TLN2: variants seen among roughly 807,000 people sequenced by gnomAD.
TLN2 encodes the protein talin 2, also known as talin-2.
A neutral mutation model predicts 294.7 loss-of-function variants in TLN2; 118 were observed. That is an observed-to-expected ratio of 0.40 (90% confidence interval 0.34 to 0.47). The LOEUF (loss-of-function observed/expected upper bound fraction) is 0.47, where lower values mean the gene tolerates loss of function less well. Ranked by LOEUF, TLN2 falls within the 20% of genes least tolerant of loss-of-function variation. The pLI, the probability that TLN2 is intolerant of heterozygous loss-of-function variation, is 0.84. For synonymous variants in TLN2, 1,431 were observed against 1,304.5 expected, an observed-to-expected ratio of 1.10 and a Z score of -2.09; for missense variants, 3,083 against 3,282.2, an observed-to-expected ratio of 0.94 and a Z score of 1.48.
chr15:62,557,426 G>GA (rs1367406358), intron 1 of TLN2, among the ~76,000 whole-genome samples: 1 of 152,246 alleles, frequency 6.6e-6, no homozygotes, highest in Non-Finnish European at 1.5e-5. Context: ...TGTGTGATGT[G>GA]ATAGTGCAGG....
chr15:62,635,417 T>A (rs1393471630), intron 3 of TLN2, among the ~76,000 whole-genome samples: 1 of 152,214 alleles, frequency 6.6e-6, no homozygotes, highest in Non-Finnish European at 1.5e-5. Flanking sequence ...ATTATGTATT[T>A]ATTAAAAACA....
intron 1 of TLN2, among the ~76,000 whole-genome samples, chr15:62,540,008 C>T (rs995344999): frequency 2.0e-5 from 3 of 151,760 alleles, no homozygotes; most frequent in East Asian, 1.9e-4. Flanking sequence ...TAAATTCAAA[C>T]GAACTCATCA....
chr15:62,721,528 A>G (rs1241729365), intron 25 of TLN2, among the ~76,000 whole-genome samples: 2 of 152,048 alleles, frequency 1.3e-5, no homozygotes, highest in Non-Finnish European at 2.9e-5. Context: ...AATATTAAAA[A>G]TATTAACTTT....
chr15:62,435,872 C>A (rs1252731876), intron 1 of TLN2, among the ~76,000 whole-genome samples: 1 of 152,204 alleles, frequency 6.6e-6, no homozygotes, highest in Non-Finnish European at 1.5e-5. Context: ...AAATTAGCAT[C>A]TGTCACATGC....
chr15:62,651,364 A>G (rs980495026), intron 5 of TLN2, among the ~76,000 whole-genome samples: 3 of 152,186 alleles, frequency 2.0e-5, no homozygotes, highest in African/African-American at 7.2e-5. Context: ...TGGAGAAAAA[A>G]TTGAAGGTGA....
At chr15:62,392,766 G>A (rs1217276885) in intron 1 of TLN2, among the ~76,000 whole-genome samples, 2 of 152,194 alleles carry the variant, frequency 1.3e-5, no homozygotes, top group Non-Finnish European at 2.9e-5. Flanking sequence ...GGTTAGGTGT[G>A]CAGAGGGAGG....
At chr15:62,456,862 G>T (rs2036512132) in intron 1 of TLN2, among the ~76,000 whole-genome samples, 1 of 152,132 alleles carries the variant, frequency 6.6e-6, no homozygotes, top group South Asian at 2.1e-4. Context: ...CTTGCCCCAT[G>T]GCAGAAAAGG....
At chr15:62,705,804 A>G (rs959786549) in intron 19 of TLN2, among the ~76,000 whole-genome samples, 12 of 152,238 alleles carry the variant, frequency 7.9e-5, no homozygotes, top group African/African-American at 2.9e-4. Flanking sequence ...CAGATCCCAA[A>G]GGGATCTTCT....
At position 62,486,480 on chromosome 15, in the gene TLN2, T is replaced by C. The variant is rs570695041; in HGVS notation, c.-238+95795T>C. Among the ~76,000 whole-genome samples, 127 of 145,546 alleles carry C rather than the reference T, an allele frequency of 8.7e-4. 1 individual carries two copies. The highest frequency in any genetic ancestry group is 3.2e-3 in the African/African-American group (124 of 39,360). ...TTTTTTTTTTTTTTTTTTTTTGCCA[T>C]TCACAACATTGACATTTTAAAAAAA... On this transcript the variant is annotated intron_variant, in intron 1 of 58. Transcript: ENST00000636159.
intron 7 of TLN2, among the ~76,000 whole-genome samples, chr15:62,654,754 CAAAAAAAA>C (rs59006343): frequency 4.4e-4 from 15 of 33,852 alleles, no homozygotes; most frequent in Admixed American, 1.0e-3. Flanking sequence ...GACTCTGCCT[CAAAAAAAA>C]AAAAAAAAAA....
chr15:62,761,870 G>A lies in TLN2; in HGVS notation c.4779+49G>A, dbSNP rs3825972. On this transcript the variant is annotated intron_variant, in intron 38 of 58. Transcript: ENST00000636159. The stretch of plus-strand genomic sequence containing the variant: ...CATACTAAGGTCTTTGGCTAACTTT[G>A]TGTGGCACCAAATGAGTTACTAGTT... 2.1e-4 allele frequency: 342 copies of A among 1,607,080 alleles called. 8 individuals are homozygous for A. In the East Asian group the frequency reaches 7.6e-3, roughly 36 times the overall value.
chr15:62,620,579 A>G (rs903371257), intron 3 of TLN2, among the ~76,000 whole-genome samples: 2 of 151,760 alleles, frequency 1.3e-5, no homozygotes, highest in African/African-American at 4.8e-5. Flanking sequence ...CCTGGGCTCA[A>G]GCAATCCTCC....
At chr15:62,763,525 C>G in intron 39 of TLN2, 38 bp from the exon 40 acceptor site, 1 of 1,574,036 alleles carries the variant, frequency 6.4e-7, no homozygotes, top group Non-Finnish European at 8.7e-7. Context: ...GACTTGAGCC[C>G]CATGGAGCCT....
intron 32 of TLN2, 56 bp from the exon 33 acceptor site, chr15:62,748,295 A>T: frequency 7.7e-7 from 1 of 1,297,958 alleles, no homozygotes; most frequent in Non-Finnish European, 1.1e-6. Context: ...AAAGCATTGT[A>T]GGGGAAATTA....
At chr15:62,469,794 A>C (rs2037362775) in intron 1 of TLN2, among the ~76,000 whole-genome samples, 1 of 152,194 alleles carries the variant, frequency 6.6e-6, no homozygotes, top group South Asian at 2.1e-4. Flanking sequence ...AAAGTCTGGT[A>C]GTTTAAAAAA....
chr15:62,489,338 A>G (rs1265394775), intron 1 of TLN2, among the ~76,000 whole-genome samples: 1 of 152,206 alleles, frequency 6.6e-6, no homozygotes, highest in African/African-American at 2.4e-5. Context: ...CTCAGGTGCA[A>G]CTTCTCAAAC....
At chr15:62,679,560 G>A (rs2056604697) in intron 11 of TLN2, among the ~76,000 whole-genome samples, 1 of 152,224 alleles carries the variant, frequency 6.6e-6, no homozygotes, top group Non-Finnish European at 1.5e-5. Context: ...GTGCCCAGAA[G>A]AGGCAAGTCT....
At chr15:62,801,897 A>G (rs1170925381) in intron 50 of TLN2, among the ~76,000 whole-genome samples, 1 of 152,254 alleles carries the variant, frequency 6.6e-6, no homozygotes, top group Non-Finnish European at 1.5e-5. Context: ...CATGCAATGC[A>G]TAATAATCAC....
rs765732583 is a variant in TLN2 at position 62,838,857 on chromosome 15, C to A, written c.7376C>A (p.Ala2459Glu). 3.1e-6 allele frequency: 5 copies of A among 1,608,944 alleles called. No individual in the cohort carries two copies. Among genetic ancestry groups the A allele is most frequent in the African/African-American group, 1.4e-5 (1 of 70,728 alleles). ...ATGTATGTTTTGTTCACTCTCCAGGCGGCAGGAAATGCTGTGAAAAGAGCC... is the reference window on the plus strand; with the variant it reads ...ATGTATGTTTTGTTCACTCTCCAGGAGGCAGGAAATGCTGTGAAAAGAGCC... ...QDSEAMRRLQAAGNAVKRASD... is the reference protein window; with the variant it reads ...QDSEAMRRLQEAGNAVKRASD... Residue 2459 changes from alanine (A) to glutamate (E), a missense_variant and splice_region_variant, in exon 58 of 59, where the codon GCG (alanine) becomes GAG (glutamate). Ala to Glu is a moderately radical substitution (Grantham distance 107). Transcript: ENST00000636159.
Sources: gnomAD v4.1 joint callset for allele counts (sites outside exome capture counted in the v4.1 genomes callset) on GRCh38, gnomAD v4.1.1 for gene constraint, MANE v1.5 for transcripts, NCBI Gene and HGNC (gene_info 2026-07-23, HGNC 2026-07-21) for gene names.